Variants in MYO1C observed in about 807,000 individuals in gnomAD.
MYO1C encodes the protein myosin IC.
In MYO1C, 104 loss-of-function variants were observed where a neutral mutation model predicts 150.8. That is an observed-to-expected ratio of 0.69 (90% confidence interval 0.59 to 0.81). The LOEUF is 0.81. MYO1C is among the 30% of genes least tolerant of loss of function. The pLI, the probability that MYO1C is intolerant of heterozygous loss-of-function variation, is 0.00. For synonymous variants in MYO1C, 663 were observed against 579.9 expected (o/e 1.14, Z -2.06); for missense variants, 1,504 against 1,435.0 (o/e 1.05, Z -0.78).
Position 1,474,931 on chromosome 17 carries a change from T to C in MYO1C, c.1669+7A>G. 6.2e-7 allele frequency: 1 copy of C among 1,604,670 alleles called. No homozygotes were observed. The highest frequency in any genetic ancestry group is 1.1e-5 in the South Asian group (1 of 90,046). On this transcript the variant is annotated splice_region_variant and intron_variant, in intron 15 of 31. Coordinates refer to ENST00000648651, the MANE Select transcript of MYO1C (RefSeq NM_001080779.2). ...CCCCTGTGGGGACACAGCCCCAGGATCCTCACCGGTCACGCTGTAGGTCAC... is the reference window on the plus strand; with the variant it reads ...CCCCTGTGGGGACACAGCCCCAGGACCCTCACCGGTCACGCTGTAGGTCAC...
chr17:1,487,546 G>T (rs943386648), intron 1 of MYO1C, among the ~76,000 whole-genome samples: 1 of 152,080 alleles, frequency 6.6e-6, no homozygotes, highest in Non-Finnish European at 1.5e-5. Context: ...GGGAGCGGGG[G>T]AGGGGGAATG....
intron 1 of MYO1C, among the ~76,000 whole-genome samples, chr17:1,490,220 G>A (rs139699557): frequency 0.075 from 11,090 of 148,382 alleles, 583 homozygotes; most frequent in Middle Eastern, 0.15. Flanking sequence ...CCTCCAGGCC[G>A]GGCGCGGTGG....
chr17:1,489,743 A>G (rs2074707940), intron 1 of MYO1C, among the ~76,000 whole-genome samples: 1 of 152,112 alleles, frequency 6.6e-6, no homozygotes, highest in South Asian at 2.1e-4. Context: ...TGGGGGAAAA[A>G]AAAAAGTAAA....
Position 1,478,314 on chromosome 17 carries a change from TG to T in MYO1C, c.1295+95del. 6.4e-7 allele frequency: 1 copy of T among 1,556,674 alleles called. No individual in the cohort carries two copies. Among genetic ancestry groups the T allele is most frequent in the Non-Finnish European group, 8.9e-7 (1 of 1,128,236 alleles). On this transcript the variant is annotated intron_variant, in intron 11 of 31. Transcript: ENST00000648651. The surrounding 1 kb of genome is among the most constrained non-coding windows in gnomAD (Gnocchi z 6.3). ...AACACAGAGACAGTCCCCGGCTGGCTGGGGAGTCACAGGGCAGGAATGAGAG... is the reference window on the plus strand; with the variant it reads ...AACACAGAGACAGTCCCCGGCTGGCTGGGAGTCACAGGGCAGGAATGAGAG...
At chr17:1,484,916 AC>A (rs2074620113) in intron 1 of MYO1C, 2 of 422,616 alleles carry the variant, frequency 4.7e-6, no homozygotes, top group African/African-American at 4.7e-5. Context: ...AGCGTCGAGC[AC>A]CAAGCAAGAG....
At chr17:1,469,262 T>G (rs944164380) in intron 25 of MYO1C, 3 of 498,562 alleles carry the variant, frequency 6.0e-6, no homozygotes, top group East Asian at 3.7e-5. Context: ...GTAAATACAG[T>G]AGATTGCGGT....
At chr17:1,467,032 A>G (rs2074186809) in intron 31 of MYO1C, among the ~76,000 whole-genome samples, 4 of 152,168 alleles carry the variant, frequency 2.6e-5, no homozygotes, top group African/African-American at 4.8e-5. Flanking sequence ...TGCTGGGATT[A>G]TAGGCATGAG....
In MYO1C at chr17:1,483,715, C is replaced by A. The variant is rs2074588188; in HGVS notation, c.242G>T (p.Gly81Val). 1.2e-6 allele frequency: 2 copies of A among 1,610,684 alleles called. No homozygotes were observed. The highest frequency in any genetic ancestry group is 8.5e-7 in the Non-Finnish European group (1 of 1,178,668). The part of the protein sequence containing the change: ...FRENLIYTYI[G>V]PVLVSVNPYR... ...GGGATTGACAGAGACCAGGACGGGGCCAATGTAGGTCTGGGATCGGGGGAA... is the reference window on the plus strand; with the variant it reads ...GGGATTGACAGAGACCAGGACGGGGACAATGTAGGTCTGGGATCGGGGGAA... The change falls in exon 3 of 32, where the codon GGC becomes GTC. Residue 81 changes from glycine to valine, a missense_variant. Coordinates refer to ENST00000648651, the MANE Select transcript of MYO1C (RefSeq NM_001080779.2).
chr17:1,478,024 C>A lies in MYO1C; in HGVS notation c.1402-53G>T. ...CACCGTGGGGTCCTGGCACCCTCTC[C>A]CAGGGGCCCCGATACCCAGGCTCCC... On this transcript the variant is annotated intron_variant, in intron 12 of 31. Coordinates refer to ENST00000648651, the MANE Select transcript of MYO1C (RefSeq NM_001080779.2). This position sits in a 1 kb window ranked among gnomAD's most constrained non-coding sequence, Gnocchi z 6.3. The A allele has an allele frequency of 6.2e-7, 1 of 1,612,550 alleles. No homozygotes were observed. The highest frequency in any genetic ancestry group is 8.5e-7 in the Non-Finnish European group (1 of 1,178,634).
At position 1,492,595 on chromosome 17, in the gene MYO1C, G is replaced by T. The variant is rs889305977; in HGVS notation, c.-108C>A. ...CGGGACCAGGAACCTACGGTCTAAC[G>T]CCGGGATGGCCACTTGGTTCTGCTT... On this transcript the variant is annotated 5_prime_UTR_variant, in exon 1 of 32. Transcript: ENST00000648651. 1 of 990,630 alleles carries T rather than the reference G, an allele frequency of 1.0e-6. No individual in the cohort carries two copies. The highest frequency in any genetic ancestry group is 1.6e-6 in the Non-Finnish European group (1 of 642,568). 61.4% of individuals were successfully genotyped at this position (990,630 alleles called of 1,614,324 possible). A position where few individuals can be genotyped will look rare whatever the true frequency, so the allele number is the denominator to read the frequency against.
At chr17:1,485,185 A>G (rs921014354) in intron 1 of MYO1C, 1 of 1,185,940 alleles carries the variant, frequency 8.4e-7, no homozygotes, top group African/African-American at 1.6e-5. Context: ...GCTGAGCAAG[A>G]CCCTCGCCCC....
intron 1 of MYO1C, chr17:1,485,497 G>T: frequency 3.4e-6 from 2 of 589,680 alleles, no homozygotes; most frequent in Non-Finnish European, 4.5e-6. Context: ...GTCCCCGGCG[G>T]CTCCTCATCC....
At chr17:1,481,742 C>T (rs1035220558) in intron 5 of MYO1C, among the ~76,000 whole-genome samples, 6 of 151,848 alleles carry the variant, frequency 4.0e-5, no homozygotes, top group African/African-American at 1.5e-4. Flanking sequence ...CTCACGTGAT[C>T]CACCTGCCCC....
intron 24 of MYO1C, 100 bp downstream of exon 24, chr17:1,470,075 C>T: frequency 7.8e-7 from 1 of 1,289,926 alleles, no homozygotes; most frequent in East Asian, 2.4e-5. Flanking sequence ...GGTCCGGGCC[C>T]TCCGTGAGCC....
In MYO1C at chr17:1,470,610, G is replaced by C; in HGVS notation, c.2281+11C>G. On this transcript the variant is annotated intron_variant, in intron 22 of 31. Coordinates refer to ENST00000648651, the MANE Select transcript of MYO1C (RefSeq NM_001080779.2). ...ACCCCGCCCCTCCTGAACACCCATG[G>C]GCCCGCGAACCTGATCTCTTCACCC... The C allele has an allele frequency of 1.2e-6, 2 of 1,611,148 alleles. No individual in the cohort carries two copies. Among genetic ancestry groups the C allele is most frequent in the Non-Finnish European group, 1.7e-6 (2 of 1,179,146 alleles).
chr17:1,478,409 C>T lies in MYO1C; in HGVS notation c.1295+1G>A, dbSNP rs1325724958. The T allele has an allele frequency of 6.2e-7, 1 of 1,614,060 alleles. No homozygotes were observed. The highest frequency in any genetic ancestry group is 1.3e-5 in the African/African-American group (1 of 74,924). On this transcript the variant is annotated splice_donor_variant, in intron 11 of 31. Transcript: ENST00000648651. LOFTEE classifies it high-confidence loss of function. This position sits in a 1 kb window ranked among gnomAD's most constrained non-coding sequence, Gnocchi z 6.3. ...AGAGACGGGGGAAAGATGGCACCGA[C>T]CTGTTATGCTGAAACACTTCAAAGC...
intron 31 of MYO1C, 136 bp from the exon 32 acceptor site, chr17:1,465,888 G>C: frequency 1.7e-6 from 1 of 597,100 alleles, no homozygotes; most frequent in Non-Finnish European, 2.5e-6. Flanking sequence ...GCTGGTCTTG[G>C]ACTCCTGGGC....
In MYO1C at chr17:1,478,727, G is replaced by A. The variant is rs1313490839; in HGVS notation, c.1101C>T (p.Ser367=). ...KIIAKGEELL[S]PLNLEQAAYA... is the part of the protein sequence containing the mutation. ...ACGCGGCCTGCTCCAGGTTCAGCGGGCTCAGGAGCTGTGGACGCAGCGTGA... is the reference window on the plus strand; with the variant it reads ...ACGCGGCCTGCTCCAGGTTCAGCGGACTCAGGAGCTGTGGACGCAGCGTGA... The change falls in exon 10 of 32, where the codon AGC becomes AGT. Residue 367 remains serine (S), a synonymous_variant. Coordinates refer to ENST00000648651, the MANE Select transcript of MYO1C (RefSeq NM_001080779.2). This position sits in a 1 kb window ranked among gnomAD's most constrained non-coding sequence, Gnocchi z 6.3. 1 of 1,614,034 alleles carries A rather than the reference G, an allele frequency of 6.2e-7. No homozygotes were observed. Among genetic ancestry groups the A allele is most frequent in the Non-Finnish European group, 8.5e-7 (1 of 1,180,030 alleles).
In MYO1C at chr17:1,478,434, C is replaced by T. The variant is rs1204167401; in HGVS notation, c.1271G>A (p.Gly424Asp). ...CCTGTTATGCTGAAACACTTCAAAG[C>T]CATAAATATCCAGGAGCCCGAGAAC... ...TTVLGLLDIY[G>D]FEVFQHNSFE... Residue 424 changes from glycine to aspartate, a missense_variant, in exon 11 of 32, where the codon GGC becomes GAC. Transcript: ENST00000648651. This position sits in a 1 kb window ranked among gnomAD's most constrained non-coding sequence, Gnocchi z 6.3. 2 of 1,614,220 alleles carry T rather than the reference C, an allele frequency of 1.2e-6. No homozygotes were observed. The highest frequency in any genetic ancestry group is 2.2e-5 in the South Asian group (2 of 91,090).
Sources: gnomAD v4.1 joint callset for allele counts (sites outside exome capture counted in the v4.1 genomes callset) on GRCh38, gnomAD v4.1.1 for gene constraint, Gnocchi (gnomAD v3.1) non-coding constraint, MANE v1.5 for transcripts, NCBI Gene and HGNC (gene_info 2026-07-23, HGNC 2026-07-21) for gene names.